ANO10: variants seen among roughly 807,000 people sequenced by gnomAD.
ANO10 encodes the protein anoctamin 10, also known as anoctamin-10.
ANO10 carries 77 observed loss-of-function variants against 74.7 expected under a neutral mutation model. The ratio of observed to expected loss-of-function variants is 1.03; its 90% CI spans 0.86 to 1.25. The LOEUF (loss-of-function observed/expected upper bound fraction) is 1.25, where lower values mean the gene tolerates loss of function less well. Ranked by LOEUF, ANO10 falls within the 50% of genes most tolerant of loss-of-function variation. The pLI is 0.00. For synonymous variants in ANO10, 279 were observed against 284.9 expected, an observed-to-expected ratio of 0.98 and a Z score of 0.21; for missense variants, 721 against 778.1, an observed-to-expected ratio of 0.93 and a Z score of 0.87.
intron 12 of ANO10, among the ~76,000 whole-genome samples, chr3:43,407,094 G>C (rs1421304301): frequency 1.3e-5 from 2 of 152,072 alleles, no homozygotes; most frequent in African/African-American, 4.8e-5. Flanking sequence ...AGTAGAGATA[G>C]AGTTTCACCA....
chr3:43,574,918 A>G, intron 6 of ANO10, 54 bp from the exon 7 acceptor site: 1 of 1,486,116 alleles, frequency 6.7e-7, no homozygotes, highest in Non-Finnish European at 9.4e-7. Flanking sequence ...ATACGAAAGC[A>G]CTGTTATGAG....
chr3:43,534,680 T>A (rs1259351462), intron 11 of ANO10, among the ~76,000 whole-genome samples: 1 of 152,168 alleles, frequency 6.6e-6, no homozygotes, highest in Admixed American at 6.5e-5. Flanking sequence ...ACTGTCCCAA[T>A]GTCCACCTGG....
intron 1 of ANO10, among the ~76,000 whole-genome samples, chr3:43,675,256 T>C (rs905143575): frequency 6.6e-6 from 1 of 152,142 alleles, no homozygotes; most frequent in African/African-American, 2.4e-5. Context: ...TTAAACATCA[T>C]GTGTAAAATC....
intron 4 of ANO10, among the ~76,000 whole-genome samples, chr3:43,595,155 C>G (rs971736131): frequency 6.6e-6 from 1 of 152,038 alleles, no homozygotes; most frequent in African/African-American, 2.4e-5. Flanking sequence ...CAGGACCAGA[C>G]AGATTCACAG....
intron 1 of ANO10, chr3:43,690,619 G>A (rs1050826999): frequency 4.2e-6 from 1 of 235,432 alleles, no homozygotes; most frequent in Non-Finnish European, 8.2e-6. Context: ...ACGCACCTCC[G>A]TCCCCAAGGT....
At chr3:43,517,637 A>G (rs536260630) in intron 11 of ANO10, among the ~76,000 whole-genome samples, 33 of 152,286 alleles carry the variant, frequency 2.2e-4, no homozygotes, top group East Asian at 5.8e-4. Flanking sequence ...AAGCTAGGAA[A>G]AAAGGTCTCA....
chr3:43,638,369 C>G (rs1336362707), intron 1 of ANO10, among the ~76,000 whole-genome samples: 1 of 152,022 alleles, frequency 6.6e-6, no homozygotes, highest in Non-Finnish European at 1.5e-5. Context: ...AAAAATAATA[C>G]AAATTGGAAA....
intron 1 of ANO10, among the ~76,000 whole-genome samples, chr3:43,610,227 T>C (rs1394940002): frequency 1.3e-5 from 2 of 152,166 alleles, no homozygotes; most frequent in Non-Finnish European, 2.9e-5. Context: ...GTCTTCCACC[T>C]CCACGTCTTG....
intron 4 of ANO10, among the ~76,000 whole-genome samples, chr3:43,581,348 G>A (rs752789587): frequency 5.9e-5 from 9 of 152,150 alleles, no homozygotes; most frequent in Non-Finnish European, 1.0e-4. Context: ...TGACTAGTAT[G>A]GTTTGAACAC....
At chr3:43,602,354 T>C (rs1467464180) in intron 2 of ANO10, among the ~76,000 whole-genome samples, 1 of 152,228 alleles carries the variant, frequency 6.6e-6, no homozygotes, top group African/African-American at 2.4e-5. Context: ...TTTATTTATT[T>C]TGAGACAGTG....
intron 1 of ANO10, among the ~76,000 whole-genome samples, chr3:43,627,050 T>C (rs540240987): frequency 6.6e-6 from 1 of 152,276 alleles, no homozygotes; most frequent in East Asian, 1.9e-4. Flanking sequence ...TCCAAGGTGA[T>C]AATTTACATA....
intron 2 of ANO10, 94 bp from the exon 3 acceptor site, chr3:43,600,675 G>A: frequency 9.3e-7 from 1 of 1,074,292 alleles, no homozygotes; most frequent in Non-Finnish European, 1.4e-6. Flanking sequence ...TAGTCTGGTA[G>A]AAGAAAAAGA....
chr3:43,650,641 G>A (rs2149568174), intron 1 of ANO10, among the ~76,000 whole-genome samples: 2 of 152,324 alleles, frequency 1.3e-5, no homozygotes, highest in East Asian at 1.9e-4. Flanking sequence ...GCAGAGCTTA[G>A]GGAAAAGCAC....
chr3:43,690,812 G>A (rs190212110), intron 1 of ANO10: 103 of 494,134 alleles, frequency 2.1e-4, no homozygotes, highest in East Asian at 4.4e-4. Context: ...GATGGCGGAC[G>A]CAAAGCCGGA....
intron 12 of ANO10, among the ~76,000 whole-genome samples, chr3:43,388,483 G>T (rs955195995): frequency 2.6e-5 from 4 of 152,068 alleles, no homozygotes; most frequent in African/African-American, 9.7e-5. Context: ...CATTCCGAAG[G>T]CTCTTTTGTT....
At chr3:43,690,964 T>A (rs1489849731) in intron 1 of ANO10, 2 of 1,558,542 alleles carry the variant, frequency 1.3e-6, no homozygotes, top group South Asian at 1.2e-5. Flanking sequence ...GGCTTCGAGA[T>A]AAGTCCCGGC....
In ANO10 at chr3:43,580,476, C is replaced by T; in HGVS notation, c.473-4G>A. On this transcript the variant is annotated splice_region_variant and splice_polypyrimidine_tract_variant and intron_variant, in intron 4 of 12. Coordinates refer to ENST00000292246, the MANE Select transcript of ANO10 (RefSeq NM_018075.5). ...CCAGACGTGAGCAATCTTCTCACTG[C>T]ACAGGGAAAATGTGCCAAACTGCAT... 4 of 1,613,262 alleles carry T rather than the reference C, an allele frequency of 2.5e-6. No individual in the cohort carries two copies. Among genetic ancestry groups the T allele is most frequent in the South Asian group, 1.1e-5 (1 of 91,040 alleles).
chr3:43,605,874 T>C lies in ANO10; in HGVS notation c.-11-11A>G. 1.2e-6 allele frequency: 2 copies of C among 1,612,290 alleles called. No homozygotes were observed. Among genetic ancestry groups the C allele is most frequent in the Non-Finnish European group, 1.7e-6 (2 of 1,179,282 alleles). On this transcript the variant is annotated splice_polypyrimidine_tract_variant and intron_variant, in intron 1 of 12. Transcript: ENST00000292246. The stretch of plus-strand genomic sequence containing the variant: ...TCATCTTTGACAAATCTGCGGAAAA[T>C]TAAAATAAAGAGTGAAAATGGGTTG...
chr3:43,688,760 C>T (rs1291539801), intron 1 of ANO10, among the ~76,000 whole-genome samples: 1 of 151,530 alleles, frequency 6.6e-6, no homozygotes, highest in Non-Finnish European at 1.5e-5. Flanking sequence ...AGGAGAATTG[C>T]TTGAACCTGG....
Sources: allele counts gnomAD v4.1 joint callset (sites outside exome capture counted in the v4.1 genomes callset), GRCh38; gene constraint gnomAD v4.1.1; transcripts MANE v1.5; gene names NCBI Gene and HGNC (gene_info 2026-07-23, HGNC 2026-07-21).